Variants in WARS2 observed in about 807,000 individuals in gnomAD.
WARS2 encodes tryptophan--tRNA ligase, mitochondrial.
Under a neutral mutation model 36.5 loss-of-function variants are expected in WARS2, and 28 were observed. The ratio of observed to expected loss-of-function variants is 0.77; its 90% CI spans 0.57 to 1.05. The LOEUF is 1.05. Among genes scored for constraint, WARS2 ranks in the 50% least tolerant of loss-of-function variants. WARS2 has a pLI of 0.00. For synonymous variants in WARS2, 174 were observed against 178.4 expected, an observed-to-expected ratio of 0.98 and a Z score of 0.20; for missense variants, 435 against 456.8, an observed-to-expected ratio of 0.95 and a Z score of 0.44.
chr1:119,088,419 T>G (rs1231868257), intron 1 of WARS2, among the ~76,000 whole-genome samples: 1 of 143,536 alleles, frequency 7.0e-6, no homozygotes, highest in Admixed American at 7.2e-5. Context: ...GCTGCCAACC[T>G]GCTAGGAAAC....
intron 1 of WARS2, among the ~76,000 whole-genome samples, chr1:119,109,264 C>A (rs116809967): frequency 0.021 from 3,159 of 151,964 alleles, 101 homozygotes; most frequent in African/African-American, 0.072. Context: ...TATGGCCTTA[C>A]TAATTTTCTG....
intron 1 of WARS2, among the ~76,000 whole-genome samples, chr1:119,094,067 GC>G (rs748216875): frequency 7.2e-5 from 11 of 152,172 alleles, no homozygotes; most frequent in Non-Finnish European, 1.2e-4. Context: ...CAACTAAGGG[GC>G]TATAATCATA....
intron 1 of WARS2, among the ~76,000 whole-genome samples, chr1:119,088,784 G>T (rs1571342093): frequency 2.0e-5 from 3 of 152,126 alleles, no homozygotes; most frequent in African/African-American, 7.2e-5. Flanking sequence ...TATATAGCCT[G>T]GACATCACCA....
intron 1 of WARS2, chr1:119,082,354 G>A: frequency 1.0e-6 from 1 of 985,236 alleles, no homozygotes; most frequent in Non-Finnish European, 1.2e-6. Flanking sequence ...CTTCTATCAT[G>A]TGATGGAATG....
intron 2 of WARS2, among the ~76,000 whole-genome samples, chr1:119,060,075 C>T (rs142310089): frequency 6.6e-6 from 1 of 152,158 alleles, no homozygotes. Context: ...CACTTGTACT[C>T]CTGAACTTAA....
At chr1:119,073,661 T>C (rs1651502069) in intron 2 of WARS2, among the ~76,000 whole-genome samples, 1 of 152,196 alleles carries the variant, frequency 6.6e-6, no homozygotes. Context: ...CCCAATGAGC[T>C]CATTAGGTTC....
chr1:119,112,521 C>T (rs1401712276), intron 1 of WARS2, among the ~76,000 whole-genome samples: 1 of 152,214 alleles, frequency 6.6e-6, no homozygotes, highest in East Asian at 1.9e-4. Flanking sequence ...CACAGAAGGA[C>T]TGAGCAACCA....
chr1:119,127,808 C>G (rs587738945), intron 1 of WARS2, among the ~76,000 whole-genome samples: 5 of 152,250 alleles, frequency 3.3e-5, no homozygotes, highest in Non-Finnish European at 7.4e-5. Flanking sequence ...TATTGTCAAT[C>G]TCTCTATCTT....
At chr1:119,113,502 GGTCTA>G (rs770147390) in intron 1 of WARS2, among the ~76,000 whole-genome samples, 7 of 152,002 alleles carry the variant, frequency 4.6e-5, no homozygotes, top group Non-Finnish European at 1.0e-4. Flanking sequence ...ACTAGGAAGG[GGTCTA>G]GACAGATATT....
chr1:119,103,072 A>G (rs1653985838), intron 1 of WARS2, among the ~76,000 whole-genome samples: 1 of 152,352 alleles, frequency 6.6e-6, no homozygotes, highest in East Asian at 1.9e-4. Context: ...GGAAAAGAGA[A>G]CAAGAGAGCT....
intron 2 of WARS2, among the ~76,000 whole-genome samples, chr1:119,053,522 C>A (rs1217139433): frequency 6.6e-6 from 1 of 152,076 alleles, no homozygotes; most frequent in Non-Finnish European, 1.5e-5. Context: ...TGATTTTTTT[C>A]AAACCTATCT....
intron 4 of WARS2, among the ~76,000 whole-genome samples, chr1:119,035,566 A>G (rs1197657935): frequency 2.0e-5 from 3 of 152,204 alleles, no homozygotes; most frequent in Non-Finnish European, 4.4e-5. Flanking sequence ...AAAATGAAGG[A>G]CAAATGGTAA....
chr1:119,041,349 C>T (rs374344293), intron 4 of WARS2, among the ~76,000 whole-genome samples: 10 of 152,064 alleles, frequency 6.6e-5, no homozygotes, highest in South Asian at 4.2e-4. Context: ...GGGGTTTGCA[C>T]GGAAGAATTG....
intron 1 of WARS2, among the ~76,000 whole-genome samples, chr1:119,096,711 G>A (rs1192502275): frequency 6.6e-6 from 1 of 151,828 alleles, no homozygotes; most frequent in African/African-American, 2.4e-5. Context: ...AATAGAATAT[G>A]GCTTTTTATA....
chr1:119,056,536 A>AAT (rs111315245), intron 2 of WARS2, among the ~76,000 whole-genome samples: 14 of 147,014 alleles, frequency 9.5e-5, no homozygotes, highest in Admixed American at 2.0e-4. Context: ...CTAAATATAT[A>AAT]ATATATATAT....
chr1:119,035,746 C>T (rs1432755189), intron 4 of WARS2, among the ~76,000 whole-genome samples: 1 of 152,100 alleles, frequency 6.6e-6, no homozygotes, highest in Non-Finnish European at 1.5e-5. Flanking sequence ...TTGAAACTGA[C>T]AGTTCACATA....
intron 1 of WARS2, among the ~76,000 whole-genome samples, chr1:119,094,783 C>A (rs961686116): frequency 1.3e-5 from 2 of 152,108 alleles, no homozygotes; most frequent in African/African-American, 4.8e-5. Flanking sequence ...GATCTCTAGA[C>A]TTGTTCATCC....
At position 119,034,121 on chromosome 1, in the gene WARS2, A is replaced by C. The variant is rs755089541; in HGVS notation, c.608T>G (p.Phe203Cys). 3.1e-6 allele frequency: 5 copies of C among 1,613,868 alleles called. No homozygotes were observed. Among genetic ancestry groups the C allele is most frequent in the Non-Finnish European group, 4.2e-6 (5 of 1,179,898 alleles). The part of the protein sequence containing the change: ...AQGFNKKYGE[F>C]FPVPESILTS... ...GAGAATGGACTCGGGCACTGGAAAG[A>C]ACTCCCCATACTTCTTGTTGAAACC... Residue 203 changes from phenylalanine to cysteine, a missense_variant, in exon 5 of 6, where the codon TTC (phenylalanine) becomes TGC (cysteine). Phe to Cys is a radical substitution (Grantham distance 205). Transcript: ENST00000235521.
At chr1:119,092,561 G>C (rs1163772940) in intron 1 of WARS2, among the ~76,000 whole-genome samples, 1 of 151,996 alleles carries the variant, frequency 6.6e-6, no homozygotes, top group Non-Finnish European at 1.5e-5. Context: ...CTCAATTCTG[G>C]CTAATGATAC....
Sources: gnomAD v4.1 joint callset for allele counts (sites outside exome capture counted in the v4.1 genomes callset) on GRCh38, gnomAD v4.1.1 for gene constraint, MANE v1.5 for transcripts, NCBI Gene and HGNC (gene_info 2026-07-23, HGNC 2026-07-21) for gene names.